Variants in EXT1 observed in about 807,000 individuals in gnomAD.
The protein encoded by EXT1 is exostosin-1.
Under a neutral mutation model 82.5 loss-of-function variants are expected in EXT1, and 20 were observed. The observed-to-expected ratio is 0.24, with a 90% confidence interval of 0.17 to 0.35. EXT1 has a LOEUF of 0.35. EXT1 is among the 10% of genes least tolerant of loss of function. The pLI is 1.00. For synonymous variants in EXT1, 348 were observed against 350.8 expected, an observed-to-expected ratio of 0.99 and a Z score of 0.09; for missense variants, 757 against 936.5, an observed-to-expected ratio of 0.81 and a Z score of 2.50.
chr8:117,799,970 G>C, intron 10 of EXT1, 73 bp from the exon 11 acceptor site: 1 of 1,519,664 alleles, frequency 6.6e-7, no homozygotes, highest in Non-Finnish European at 9.0e-7. Flanking sequence ...GCAGAAAATG[G>C]AGTCAGGCAA....
At chr8:117,818,591 C>G in intron 6 of EXT1, 61 bp from the exon 7 acceptor site, 1 of 1,250,230 alleles carries the variant, frequency 8.0e-7, no homozygotes, top group Non-Finnish European at 1.2e-6. Context: ...TGCCTCCAAC[C>G]CAAAGCCTCT....
At chr8:117,887,381 C>T (rs754517310) in intron 1 of EXT1, among the ~76,000 whole-genome samples, 2 of 152,156 alleles carry the variant, frequency 1.3e-5, no homozygotes, top group Non-Finnish European at 2.9e-5. Flanking sequence ...GAGACACAGT[C>T]TCACTTTGTC....
At chr8:117,898,298 C>T (rs549789573) in intron 1 of EXT1, among the ~76,000 whole-genome samples, 1 of 152,298 alleles carries the variant, frequency 6.6e-6, no homozygotes, top group East Asian at 1.9e-4. Context: ...TGAACCTGTT[C>T]TTTGGAGGAA....
chr8:117,821,217 T>C (rs1811919690), intron 5 of EXT1, among the ~76,000 whole-genome samples: 1 of 152,222 alleles, frequency 6.6e-6, no homozygotes, highest in Non-Finnish European at 1.5e-5. Context: ...TAGAGAAAAT[T>C]ATATCATCCA....
At chr8:117,937,140 G>C (rs932449068) in intron 1 of EXT1, among the ~76,000 whole-genome samples, 3 of 151,986 alleles carry the variant, frequency 2.0e-5, no homozygotes, top group African/African-American at 7.3e-5. Context: ...TTAGATTTAT[G>C]CTTGTTTGGC....
At chr8:117,927,979 T>C (rs1196489623) in intron 1 of EXT1, among the ~76,000 whole-genome samples, 1 of 152,262 alleles carries the variant, frequency 6.6e-6, no homozygotes, top group East Asian at 1.9e-4. Flanking sequence ...ATGAGAAACC[T>C]TGGAGGCAGA....
chr8:117,992,681 T>C (rs1815459814), intron 1 of EXT1, among the ~76,000 whole-genome samples: 4 of 152,138 alleles, frequency 2.6e-5, no homozygotes, highest in Admixed American at 2.6e-4. Context: ...TGCAAGGCCC[T>C]TGGTCTCCCG....
chr8:118,074,520 C>T (rs1817168553), intron 1 of EXT1, among the ~76,000 whole-genome samples: 1 of 151,938 alleles, frequency 6.6e-6, no homozygotes, highest in African/African-American at 2.4e-5. Context: ...GCCCCGCGCA[C>T]CGCGGCCACC....
At chr8:117,899,381 C>A (rs938237767) in intron 1 of EXT1, among the ~76,000 whole-genome samples, 6 of 152,208 alleles carry the variant, frequency 3.9e-5, no homozygotes, top group Admixed American at 2.6e-4. Flanking sequence ...AATATATCTT[C>A]CCCGTACTTA....
At chr8:118,019,092 A>AT (rs569538708) in intron 1 of EXT1, among the ~76,000 whole-genome samples, 1,581 of 133,192 alleles carry the variant, frequency 0.012, 35 homozygotes, top group African/African-American at 0.043. Flanking sequence ...GAGGAAAAAA[A>AT]GAAAAAAAAA....
chr8:117,943,997 A>G (rs896500332), intron 1 of EXT1, among the ~76,000 whole-genome samples: 1 of 152,190 alleles, frequency 6.6e-6, no homozygotes, highest in African/African-American at 2.4e-5. Flanking sequence ...AGTTTCAACT[A>G]CCTTTCTCAG....
intron 1 of EXT1, among the ~76,000 whole-genome samples, chr8:117,882,686 T>C (rs1262069775): frequency 2.6e-5 from 4 of 152,014 alleles, no homozygotes; most frequent in Non-Finnish European, 5.9e-5. Flanking sequence ...TATAAAAATA[T>C]GATATGGCGG....
intron 1 of EXT1, among the ~76,000 whole-genome samples, chr8:118,049,592 C>A (rs1323388421): frequency 6.6e-6 from 1 of 152,142 alleles, no homozygotes; most frequent in Non-Finnish European, 1.5e-5. Flanking sequence ...TCTTATGAGG[C>A]TGCCAGCTTT....
chr8:117,830,396 A>G (rs1812079533), intron 3 of EXT1, 47 bp from the exon 4 acceptor site: 1 of 1,606,042 alleles, frequency 6.2e-7, no homozygotes, highest in Middle Eastern at 1.8e-4. Flanking sequence ...TAAAACAAAG[A>G]GATGCACTTG....
chr8:118,103,145 C>A (rs1211214980), intron 1 of EXT1, among the ~76,000 whole-genome samples: 1 of 152,044 alleles, frequency 6.6e-6, no homozygotes, highest in Admixed American at 6.5e-5. Context: ...AAGAGGGAAA[C>A]TCTGTCTCAA....
rs114493645 is a variant in EXT1, at chr8:117,977,995, C to T, written c.962+132090G>A. On this transcript the variant is annotated intron_variant, in intron 1 of 10. Transcript: ENST00000378204. ...TCATTTCAAAGAAAAGAATTCCTGA[C>T]CACAATAATTAAGAGTGAGGTTGTC... Among the ~76,000 whole-genome samples the T allele has an allele frequency of 5.7e-3, 863 of 152,262 alleles. 12 individuals carry two copies. The highest frequency in any genetic ancestry group is 0.02 in the African/African-American group (820 of 41,542).
chr8:117,856,019 G>A (rs1371650757), intron 1 of EXT1, among the ~76,000 whole-genome samples: 2 of 152,118 alleles, frequency 1.3e-5, no homozygotes, highest in Non-Finnish European at 2.9e-5. Context: ...TAGTGAAGAA[G>A]GAATGTTGAA....
intron 1 of EXT1, among the ~76,000 whole-genome samples, chr8:118,107,920 A>C (rs1308390085): frequency 6.6e-6 from 1 of 152,150 alleles, no homozygotes; most frequent in Non-Finnish European, 1.5e-5. Context: ...GTCCCTGCTA[A>C]AGAGATCCCT....
chr8:117,939,722 C>T (rs2129669204), intron 1 of EXT1, among the ~76,000 whole-genome samples: 1 of 152,306 alleles, frequency 6.6e-6, no homozygotes. Context: ...AACCAATGTC[C>T]TGTGCACTTT....
Sources: allele counts gnomAD v4.1 joint callset (sites outside exome capture counted in the v4.1 genomes callset), GRCh38; gene constraint gnomAD v4.1.1; transcripts MANE v1.5; gene names NCBI Gene and HGNC (gene_info 2026-07-23, HGNC 2026-07-21).